ZNRF2: variants seen among roughly 807,000 people sequenced by gnomAD.
ZNRF2 encodes E3 ubiquitin-protein ligase ZNRF2.
ZNRF2 carries 16 observed loss-of-function variants against 20.4 expected under a neutral mutation model. The ratio of observed to expected loss-of-function variants is 0.79; its 90% CI spans 0.53 to 1.19. ZNRF2 has a LOEUF of 1.19. ZNRF2 is among the 50% of genes most tolerant of loss of function. The pLI is 0.00. For synonymous variants in ZNRF2, 178 were observed against 144.9 expected, an observed-to-expected ratio of 1.23 and a Z score of -1.64; for missense variants, 363 against 332.4, an observed-to-expected ratio of 1.09 and a Z score of -0.72.
At chr7:30,346,668 C>CATCTATTTA (rs1799884693) in intron 2 of ZNRF2, among the ~76,000 whole-genome samples, 1 of 152,004 alleles carries the variant, frequency 6.6e-6, no homozygotes, top group Non-Finnish European at 1.5e-5. Flanking sequence ...ATTAATCCTG[C>CATCTATTTA]ATCTATTTAA....
At chr7:30,303,086 GC>G (rs1443747419) in intron 1 of ZNRF2, among the ~76,000 whole-genome samples, 1 of 151,992 alleles carries the variant, frequency 6.6e-6, no homozygotes, top group Non-Finnish European at 1.5e-5. Context: ...TTCGAAACCA[GC>G]CTGGGCAACA....
At chr7:30,306,231 C>T (rs1322004297) in intron 1 of ZNRF2, among the ~76,000 whole-genome samples, 1 of 151,944 alleles carries the variant, frequency 6.6e-6, no homozygotes, top group African/African-American at 2.4e-5. Context: ...GGGTATAAAG[C>T]TAGTAGTAAG....
intron 1 of ZNRF2, among the ~76,000 whole-genome samples, chr7:30,315,849 T>C (rs760134117): frequency 6.6e-6 from 1 of 152,078 alleles, no homozygotes; most frequent in Non-Finnish European, 1.5e-5. Context: ...TGGATAGCTT[T>C]TCATTCATTC....
intron 2 of ZNRF2, among the ~76,000 whole-genome samples, chr7:30,341,811 A>G (rs1036405674): frequency 2.6e-5 from 4 of 152,096 alleles, no homozygotes; most frequent in African/African-American, 9.7e-5. Context: ...TATAATACTG[A>G]CAGTGGGGTG....
chr7:30,299,041 G>C (rs1228312414), intron 1 of ZNRF2, among the ~76,000 whole-genome samples: 1 of 151,954 alleles, frequency 6.6e-6, no homozygotes, highest in African/African-American at 2.4e-5. Flanking sequence ...AGGATGTTTG[G>C]ACTGAGCAGA....
chr7:30,330,579 G>T (rs1286575542), intron 2 of ZNRF2, among the ~76,000 whole-genome samples: 1 of 152,126 alleles, frequency 6.6e-6, no homozygotes, highest in Non-Finnish European at 1.5e-5. Context: ...TTGCAGGAAA[G>T]AGCATATTTT....
intron 1 of ZNRF2, chr7:30,290,010 G>A (rs904521689): frequency 4.6e-6 from 2 of 438,236 alleles, no homozygotes; most frequent in African/African-American, 4.2e-5. Flanking sequence ...GTTTTAAGGA[G>A]AATTGCCCTA....
intron 1 of ZNRF2, among the ~76,000 whole-genome samples, chr7:30,321,447 A>C: frequency 6.6e-6 from 1 of 151,502 alleles, no homozygotes; most frequent in Middle Eastern, 3.4e-3. Flanking sequence ...TCTTTAACTC[A>C]TTTTTATTAA....
intron 2 of ZNRF2, among the ~76,000 whole-genome samples, chr7:30,326,539 G>A (rs1445268796): frequency 6.6e-6 from 1 of 152,168 alleles, no homozygotes; most frequent in East Asian, 1.9e-4. Context: ...TCTATCATTT[G>A]ATGGGCATTT....
intron 1 of ZNRF2, among the ~76,000 whole-genome samples, chr7:30,289,525 T>A (rs1331687241): frequency 2.0e-5 from 3 of 152,230 alleles, no homozygotes; most frequent in South Asian, 2.1e-4. Context: ...CGAAGAGGAA[T>A]GTTTGCCTCT....
rs1491267799 is a variant in ZNRF2 at position 30,285,119 on chromosome 7, CCT to C, written c.-235_-234del. The C allele has an allele frequency of 2.4e-6, 1 of 418,074 alleles. No homozygotes were observed. The highest frequency in any genetic ancestry group is 2.2e-5 in the African/African-American group (1 of 45,850). 25.9% of individuals were successfully genotyped at this position (418,074 alleles called of 1,614,324 possible). A position where few individuals can be genotyped will look rare whatever the true frequency, so the allele number is the denominator to read the frequency against. On this transcript the variant is annotated 5_prime_UTR_variant, in exon 1 of 5. Transcript: ENST00000323037. ...GGGGTGCCTGCAGCCGGGACCCCTT[CCT>C]CTCCGCGTCTCCTCGTCTCCCGCGC... is the stretch of plus-strand genomic sequence containing the variant.
chr7:30,318,006 C>CTATT (rs1799404481), intron 1 of ZNRF2, among the ~76,000 whole-genome samples: 1 of 152,066 alleles, frequency 6.6e-6, no homozygotes, highest in African/African-American at 2.4e-5. Context: ...AGTGTTAAGC[C>CTATT]TATTGATTAT....
chr7:30,302,775 G>T (rs958880083), intron 1 of ZNRF2, among the ~76,000 whole-genome samples: 7 of 152,178 alleles, frequency 4.6e-5, no homozygotes, highest in South Asian at 2.1e-4. Flanking sequence ...CTTCTCCCAT[G>T]CTACCACTAC....
At position 30,285,830 on chromosome 7, in the gene ZNRF2, C is replaced by G. The variant is rs1261029372; in HGVS notation, c.469+4C>G. On this transcript the variant is annotated splice_donor_region_variant and intron_variant, in intron 1 of 4. Coordinates refer to ENST00000323037, the MANE Select transcript of ZNRF2 (RefSeq NM_147128.4). ...CTCTCGCCGCACATGTTTGGAGGTA[C>G]GGACCCCTCTCCGCGCACCCGCGCT... The G allele has an allele frequency of 2.0e-6, 3 of 1,502,462 alleles. No homozygotes were observed. Among genetic ancestry groups the G allele is most frequent in the Non-Finnish European group, 2.6e-6 (3 of 1,134,770 alleles). 93.1% of individuals were successfully genotyped at this position (1,502,462 alleles called of 1,614,324 possible). A position where few individuals can be genotyped will look rare whatever the true frequency, so the allele number is the denominator to read the frequency against.
Position 30,305,859 on chromosome 7 carries a change from T to C in ZNRF2, c.470-17783T>C, listed in dbSNP as rs905473902. 7.2e-5 allele frequency among the ~76,000 whole-genome samples: 11 copies of C among 152,194 alleles called. No homozygotes were observed. In the East Asian group the frequency reaches 1.2e-3, roughly 16 times the overall value. ...TTTTTCATAAGACTTGTGATTCTTA[T>C]TACATTCATCTGTCATACATGTTTC... On this transcript the variant is annotated intron_variant, in intron 1 of 4. Coordinates refer to ENST00000323037, the MANE Select transcript of ZNRF2 (RefSeq NM_147128.4).
chr7:30,285,830 C>A lies in ZNRF2; in HGVS notation c.469+4C>A. 1 of 1,502,576 alleles carries A rather than the reference C, an allele frequency of 6.7e-7. No individual in the cohort carries two copies. The highest frequency in any genetic ancestry group is 8.8e-7 in the Non-Finnish European group (1 of 1,134,760). The allele number at this position is 1,502,576 out of a possible 1,614,324, so 93.1% of individuals were successfully genotyped here. Reference sequence around the variant, plus strand: ...CTCTCGCCGCACATGTTTGGAGGTACGGACCCCTCTCCGCGCACCCGCGCT... The same window carrying A: ...CTCTCGCCGCACATGTTTGGAGGTAAGGACCCCTCTCCGCGCACCCGCGCT... On this transcript the variant is annotated splice_donor_region_variant and intron_variant, in intron 1 of 4. Transcript: ENST00000323037.
chr7:30,339,623 A>G (rs1200148446), intron 2 of ZNRF2, among the ~76,000 whole-genome samples: 6 of 152,052 alleles, frequency 3.9e-5, no homozygotes, highest in Non-Finnish European at 7.4e-5. Flanking sequence ...ATTGCTCTAT[A>G]TATCTGTTTT....
rs996789969 is a variant in ZNRF2 at position 30,285,200 on chromosome 7, C to T, written c.-158C>T. ...GCCCCAAGAAGAGCGCGCCGGGCGC[C>T]GACTGCCCCTCTGGACGCCGGGCGG... On this transcript the variant is annotated 5_prime_UTR_variant, in exon 1 of 5. Transcript: ENST00000323037. The T allele has an allele frequency of 8.0e-6, 4 of 497,228 alleles. No homozygotes were observed. Among genetic ancestry groups the T allele is most frequent in the African/African-American group, 2.1e-5 (1 of 46,872 alleles). 30.8% of individuals were successfully genotyped at this position (497,228 alleles called of 1,614,324 possible).
chr7:30,313,849 G>C (rs1448854668), intron 1 of ZNRF2, among the ~76,000 whole-genome samples: 1 of 152,128 alleles, frequency 6.6e-6, no homozygotes, highest in Non-Finnish European at 1.5e-5. Context: ...GAGGTTCCCT[G>C]GTGGCAGAAT....
Sources: gnomAD v4.1 joint callset for allele counts (sites outside exome capture counted in the v4.1 genomes callset) on GRCh38, gnomAD v4.1.1 for gene constraint, MANE v1.5 for transcripts, NCBI Gene and HGNC (gene_info 2026-07-23, HGNC 2026-07-21) for gene names.